The following GRID1 variants were observed in gnomAD, a reference collection of about 807,000 sequenced individuals.
GRID1 encodes the protein glutamate receptor ionotropic, delta-1.
GRID1 carries 28 observed loss-of-function variants against 98.0 expected under a neutral mutation model. That is an observed-to-expected ratio of 0.29 (90% confidence interval 0.21 to 0.39). The LOEUF is 0.39. GRID1 is among the 10% of genes least tolerant of loss of function. GRID1 has a pLI of 1.00. For synonymous variants in GRID1, 553 were observed against 538.5 expected, an observed-to-expected ratio of 1.03 and a Z score of -0.37; for missense variants, 1,111 against 1,340.5, an observed-to-expected ratio of 0.83 and a Z score of 2.67.
intron 2 of GRID1, among the ~76,000 whole-genome samples, chr10:86,266,674 A>G (rs1040950100): frequency 6.6e-6 from 1 of 152,228 alleles, no homozygotes; most frequent in Non-Finnish European, 1.5e-5. Flanking sequence ...AGAGATAAGA[A>G]AAGGCCCACT....
chr10:85,938,679 A>T (rs1841958975), intron 4 of GRID1, among the ~76,000 whole-genome samples: 1 of 152,206 alleles, frequency 6.6e-6, no homozygotes, highest in Non-Finnish European at 1.5e-5. Flanking sequence ...TCTAATCAAC[A>T]GTATTCTGGG....
chr10:86,241,539 T>TC (rs1378537144), intron 2 of GRID1, among the ~76,000 whole-genome samples: 31 of 151,958 alleles, frequency 2.0e-4, no homozygotes, highest in East Asian at 3.9e-4. Context: ...TAAGCAGAAC[T>TC]CCCCCCCACC....
chr10:85,692,939 T>C (rs531003203), intron 12 of GRID1, among the ~76,000 whole-genome samples: 3 of 152,306 alleles, frequency 2.0e-5, no homozygotes, highest in Admixed American at 6.5e-5. Context: ...GTGGCTATGA[T>C]CAAGTGAAGA....
rs975772497 is a variant in GRID1 at position 85,655,338 on chromosome 10, T to C, written c.1998-7941A>G. Among the ~76,000 whole-genome samples, 6 of 152,204 alleles carry C rather than the reference T, an allele frequency of 3.9e-5. No homozygotes were observed. In the East Asian group the frequency reaches 1.2e-3, roughly 29 times the overall value. Reference sequence around the variant, plus strand: ...TGTTCTGGGCTTGGTCCTATCCTAATGTTTTCCCTTTTAAGCTTCCTGTGC... The same window carrying C: ...TGTTCTGGGCTTGGTCCTATCCTAACGTTTTCCCTTTTAAGCTTCCTGTGC... On this transcript the variant is annotated intron_variant, in intron 12 of 15. Coordinates refer to ENST00000327946, the MANE Select transcript of GRID1 (RefSeq NM_017551.3).
chr10:85,620,119 T>C, intron 13 of GRID1, 86 bp from the exon 14 acceptor site: 1 of 1,117,064 alleles, frequency 9.0e-7, no homozygotes, highest in South Asian at 1.4e-5. Flanking sequence ...TGGTGGGATT[T>C]GAGGGACCCA....
chr10:85,632,540 A>C (rs1258547980), intron 13 of GRID1, among the ~76,000 whole-genome samples: 1 of 152,112 alleles, frequency 6.6e-6, no homozygotes, highest in Non-Finnish European at 1.5e-5. Context: ...CCACCCTTTG[A>C]GAACTACACT....
chr10:85,620,731 ATGTACACACATGCC>A (rs879722586), intron 13 of GRID1, among the ~76,000 whole-genome samples: 5 of 152,242 alleles, frequency 3.3e-5, no homozygotes, highest in South Asian at 2.1e-4. Context: ...ACCCCTACAC[ATGTACACACATGCC>A]TGTACACACA....
chr10:85,612,090 G>T (rs148248703), intron 15 of GRID1, among the ~76,000 whole-genome samples: 175 of 152,328 alleles, frequency 1.1e-3, no homozygotes, highest in African/African-American at 3.8e-3. Flanking sequence ...TCCTTCCAGG[G>T]AAGAGACAGC....
intron 4 of GRID1, among the ~76,000 whole-genome samples, chr10:86,127,834 C>T (rs545375450): frequency 7.2e-5 from 11 of 152,240 alleles, no homozygotes; most frequent in African/African-American, 2.6e-4. Context: ...CAATGTTTGA[C>T]CCCAACAGCC....
chr10:85,980,272 G>T (rs1200210922), intron 4 of GRID1, among the ~76,000 whole-genome samples: 1 of 152,204 alleles, frequency 6.6e-6, no homozygotes, highest in Non-Finnish European at 1.5e-5. Context: ...GGGCTGTTTT[G>T]CTCACCTCTG....
intron 2 of GRID1, among the ~76,000 whole-genome samples, chr10:86,321,857 G>A (rs1847975498): frequency 6.6e-6 from 1 of 152,170 alleles, no homozygotes; most frequent in South Asian, 2.1e-4. Flanking sequence ...CATCCAGTAT[G>A]TGAGTTCAGC....
intron 4 of GRID1, among the ~76,000 whole-genome samples, chr10:86,104,631 A>C (rs1844353077): frequency 6.6e-6 from 1 of 152,236 alleles, no homozygotes; most frequent in Admixed American, 6.5e-5. Context: ...AATCCTCGGC[A>C]GACTGAATGC....
At chr10:85,715,319 C>A (rs894141052) in intron 12 of GRID1, among the ~76,000 whole-genome samples, 2 of 151,998 alleles carry the variant, frequency 1.3e-5, no homozygotes, top group East Asian at 3.9e-4. Context: ...TGGTCTGGGG[C>A]GTGATTTTTT....
intron 2 of GRID1, among the ~76,000 whole-genome samples, chr10:86,248,241 C>G (rs1167969453): frequency 1.3e-5 from 2 of 152,192 alleles, no homozygotes; most frequent in African/African-American, 4.8e-5. Context: ...CACCTTCACC[C>G]ACCTTCACCC....
In GRID1 at chr10:85,602,413, T is replaced by C. The variant is rs1842592632; in HGVS notation, c.2890A>G (p.Met964Val). The change falls in exon 16 of 16, where the codon ATG becomes GTG. Residue 964 changes from methionine (M) to valine (V), a missense_variant. Physicochemically the swap from Met to Val is conservative, Grantham distance 21 (BLOSUM62 1). This residue lies in a region of GRID1 where 762 missense variants were observed against 869.1 expected (regional missense o/e 0.88). Transcript: ENST00000327946. ...TTGGGTGACCTGTGTTTGCACTGCATGGAGGGCATGGTCGCCGAGCTGCTC... is the reference window on the plus strand; with the variant it reads ...TTGGGTGACCTGTGTTTGCACTGCACGGAGGGCATGGTCGCCGAGCTGCTC... Reference protein sequence around the residue: ...PLSSSATMPSMQCKHRSPNGG... With the variant: ...PLSSSATMPSVQCKHRSPNGG... 9.9e-6 allele frequency: 16 copies of C among 1,614,016 alleles called. No homozygotes were observed. The East Asian group carries it at 2.7e-4, about 27-fold the overall frequency.
intron 3 of GRID1, among the ~76,000 whole-genome samples, chr10:86,186,255 G>A (rs374934144): frequency 6.6e-6 from 1 of 152,126 alleles, no homozygotes; most frequent in African/African-American, 2.4e-5. Flanking sequence ...CACATCTATA[G>A]TGATGTCACC....
intron 6 of GRID1, among the ~76,000 whole-genome samples, chr10:85,858,692 A>T (rs1843137060): frequency 6.6e-6 from 1 of 152,070 alleles, no homozygotes; most frequent in African/African-American, 2.4e-5. Flanking sequence ...CGATGGGAAG[A>T]TTTCTCTTCT....
intron 8 of GRID1, among the ~76,000 whole-genome samples, chr10:85,842,783 A>G (rs1842972422): frequency 6.6e-6 from 1 of 152,078 alleles, no homozygotes; most frequent in African/African-American, 2.4e-5. Context: ...TCCCCAGACT[A>G]TAATGATTTT....
intron 4 of GRID1, among the ~76,000 whole-genome samples, chr10:86,118,040 T>G (rs991716783): frequency 2.6e-5 from 4 of 152,108 alleles, no homozygotes; most frequent in Admixed American, 6.5e-5. Flanking sequence ...ATTTCAAAAA[T>G]ATGGAACCAG....
Sources: allele counts gnomAD v4.1 joint callset (sites outside exome capture counted in the v4.1 genomes callset), GRCh38; gene constraint gnomAD v4.1.1; regional missense constraint gnomAD v4.1.1; transcripts MANE v1.5; gene names NCBI Gene and HGNC (gene_info 2026-07-23, HGNC 2026-07-21).